Variants in HIVEP2 observed in about 807,000 individuals in gnomAD.
HIVEP2 encodes the protein transcription factor HIVEP2.
In HIVEP2, 14 loss-of-function variants were observed where a neutral mutation model predicts 180.7. That is an observed-to-expected ratio of 0.08 (90% confidence interval 0.05 to 0.12). The LOEUF (loss-of-function observed/expected upper bound fraction) is 0.12, where lower values mean the gene tolerates loss of function less well. Among genes scored for constraint, HIVEP2 ranks in the 10% least tolerant of loss-of-function variants. The probability of loss-of-function intolerance (pLI) is 1.00; values close to 1 mark genes in which losing one functional copy is unlikely to be tolerated. For synonymous variants in HIVEP2, 1,184 were observed against 1,136.4 expected, an observed-to-expected ratio of 1.04 and a Z score of -0.84; for missense variants, 2,579 against 3,008.5, an observed-to-expected ratio of 0.86 and a Z score of 3.34.
intron 1 of HIVEP2, among the ~76,000 whole-genome samples, chr6:142,895,902 C>T (rs1446873549): frequency 6.6e-6 from 1 of 152,104 alleles, no homozygotes; most frequent in Non-Finnish European, 1.5e-5. Context: ...TCATATAAAA[C>T]CTGACCATTT....
chr6:142,906,292 G>A (rs999941924), intron 1 of HIVEP2, among the ~76,000 whole-genome samples: 3 of 151,860 alleles, frequency 2.0e-5, no homozygotes, highest in African/African-American at 7.3e-5. Flanking sequence ...AACAAAACGA[G>A]AATTAAATCA....
At chr6:142,864,838 C>G (rs780426662) in intron 1 of HIVEP2, among the ~76,000 whole-genome samples, 1 of 152,136 alleles carries the variant, frequency 6.6e-6, no homozygotes, top group East Asian at 1.9e-4. Flanking sequence ...AAGGTCCTAA[C>G]CCTGTAAGAA....
At chr6:142,790,636 A>G (rs1357925198) in intron 2 of HIVEP2, among the ~76,000 whole-genome samples, 1 of 152,176 alleles carries the variant, frequency 6.6e-6, no homozygotes, top group Non-Finnish European at 1.5e-5. Flanking sequence ...TGATTCTCCA[A>G]TTTTCTTTTT....
At chr6:142,844,804 A>G (rs1775466615) in intron 1 of HIVEP2, among the ~76,000 whole-genome samples, 1 of 152,222 alleles carries the variant, frequency 6.6e-6, no homozygotes, top group Non-Finnish European at 1.5e-5. Flanking sequence ...CACTAGTGAC[A>G]AGAAAAAAAA....
At chr6:142,936,720 T>C (rs929735853) in intron 1 of HIVEP2, among the ~76,000 whole-genome samples, 11 of 152,118 alleles carry the variant, frequency 7.2e-5, no homozygotes, top group African/African-American at 2.7e-4. Flanking sequence ...GAGACCACTA[T>C]AAAAGCAGAG....
At chr6:142,817,287 A>G (rs1001533917) in intron 2 of HIVEP2, among the ~76,000 whole-genome samples, 3 of 152,210 alleles carry the variant, frequency 2.0e-5, no homozygotes, top group African/African-American at 7.2e-5. Context: ...CTATGGTTGT[A>G]GCCAATGCTA....
chr6:142,809,922 G>A (rs1776648278), intron 2 of HIVEP2, among the ~76,000 whole-genome samples: 1 of 151,952 alleles, frequency 6.6e-6, no homozygotes, highest in African/African-American at 2.4e-5. Flanking sequence ...ACATCTACCA[G>A]GTACAATCAT....
Position 142,773,050 on chromosome 6 carries a change from A to G in HIVEP2, c.1689T>C (p.Ser563=). The change falls in exon 5 of 10, where the codon AGT becomes AGC. Residue 563 remains serine, a synonymous_variant. Transcript: ENST00000367603. The stretch of plus-strand genomic sequence containing the variant: ...CAGTCATCCTTTCATCAAATGAGTG[A>G]CTTCCTCTCAAAGAAGGAGGAATAG... ...NLTIPPSLRG[S]HSFDERMTGS... 6.2e-7 allele frequency: 1 copy of G among 1,614,250 alleles called. No individual in the cohort carries two copies. The highest frequency in any genetic ancestry group is 8.5e-7 in the Non-Finnish European group (1 of 1,180,038).
At chr6:142,781,424 T>C (rs1443105576) in intron 3 of HIVEP2, among the ~76,000 whole-genome samples, 1 of 152,152 alleles carries the variant, frequency 6.6e-6, no homozygotes, top group Non-Finnish European at 1.5e-5. Context: ...AAATTTTCTC[T>C]AGTGGGTTTT....
intron 1 of HIVEP2, among the ~76,000 whole-genome samples, chr6:142,903,197 T>G (rs911443128): frequency 2.0e-5 from 3 of 152,224 alleles, no homozygotes; most frequent in Non-Finnish European, 4.4e-5. Context: ...TTGGAGACAC[T>G]TAAACAATTA....
chr6:142,854,238 T>A (rs1048624470), intron 1 of HIVEP2, among the ~76,000 whole-genome samples: 3 of 151,212 alleles, frequency 2.0e-5, no homozygotes, highest in African/African-American at 7.3e-5. Context: ...AGACTGGGAG[T>A]GGGAAGGGGT....
At chr6:142,756,731 C>T (rs903861343) in intron 9 of HIVEP2, among the ~76,000 whole-genome samples, 3 of 151,764 alleles carry the variant, frequency 2.0e-5, no homozygotes, top group African/African-American at 7.3e-5. Context: ...TCATCCTCAA[C>T]CTCGAACCAT....
intron 1 of HIVEP2, among the ~76,000 whole-genome samples, chr6:142,931,837 G>A (rs553874605): frequency 1.3e-5 from 2 of 152,220 alleles, no homozygotes; most frequent in African/African-American, 4.8e-5. Context: ...ATTATCTATC[G>A]TTTTAAGTCC....
In HIVEP2 at chr6:142,862,908, T is replaced by TATTAC. The variant is rs1299333495; in HGVS notation, c.-640-25862_-640-25861insGTAAT. 8.7e-4 allele frequency among the ~76,000 whole-genome samples: 4 copies of TATTAC among 4,608 alleles called. No individual in the cohort carries two copies. In the African/African-American group the frequency reaches 0.028, roughly 32 times the overall value. The allele number at this position is 4,608 out of a possible 152,430, so 3.0% of individuals were successfully genotyped here. A position where few individuals can be genotyped will look rare whatever the true frequency, so the allele number is the denominator to read the frequency against. The stretch of plus-strand genomic sequence containing the variant: ...TATATTGCATATAATAGATTATATG[T>TATTAC]ATTATATAAAATGTAATATATTGTA... On this transcript the variant is annotated intron_variant, in intron 1 of 9. Transcript: ENST00000367603.
At position 142,760,056 on chromosome 6, in the gene HIVEP2, G is replaced by A. The variant is rs758997470; in HGVS notation, c.6232C>T (p.Pro2078Ser). Residue 2078 changes from proline to serine, a missense_variant, in exon 9 of 10, where the codon CCT becomes TCT. Physicochemically the swap from Pro to Ser is moderately conservative, Grantham distance 74 (BLOSUM62 -1). Around this residue, in one of 11 missense-constraint regions of HIVEP2, gnomAD observed 660 missense variants for 731.7 expected, o/e 0.90. Coordinates refer to ENST00000367603, the MANE Select transcript of HIVEP2 (RefSeq NM_006734.4). ...CTCATGGGTGACAGATCTCTCCTAGGTGATAAATGTCTCCTGGGAGATAAA... is the reference window on the plus strand; with the variant it reads ...CTCATGGGTGACAGATCTCTCCTAGATGATAAATGTCTCCTGGGAGATAAA... ...GDLSPRRHLSPRRDLSPMRHL... is the reference protein window; with the variant it reads ...GDLSPRRHLSSRRDLSPMRHL... The A allele has an allele frequency of 6.2e-7, 1 of 1,614,084 alleles. No homozygotes were observed. Among genetic ancestry groups the A allele is most frequent in the South Asian group, 1.1e-5 (1 of 91,086 alleles).
rs201565528 is a variant in HIVEP2, at chr6:142,761,492, C to G, written c.5592G>C (p.Ser1864=). ...KCLELGVSMT[S]VDDTETEEAE... ...CTTCCTCAGTTTCTGTATCATCCACCGATGTCATTGAGACTCCCAATTCCA... is the reference window on the plus strand; with the variant it reads ...CTTCCTCAGTTTCTGTATCATCCACGGATGTCATTGAGACTCCCAATTCCA... Residue 1864 remains serine, a synonymous_variant, in exon 8 of 10, where the codon TCG becomes TCC. Transcript: ENST00000367603. 2 of 1,602,766 alleles carry G rather than the reference C, an allele frequency of 1.2e-6. No homozygotes were observed. Among genetic ancestry groups the G allele is most frequent in the South Asian group, 2.2e-5 (2 of 90,858 alleles).
At chr6:142,924,742 G>T (rs958860025) in intron 1 of HIVEP2, among the ~76,000 whole-genome samples, 2 of 152,110 alleles carry the variant, frequency 1.3e-5, no homozygotes, top group African/African-American at 4.8e-5. Flanking sequence ...CAAGGTACTG[G>T]GTTTGGATTA....
chr6:142,757,411 A>G (rs899860330), intron 9 of HIVEP2, among the ~76,000 whole-genome samples: 1 of 152,238 alleles, frequency 6.6e-6, no homozygotes, highest in Non-Finnish European at 1.5e-5. Flanking sequence ...CTGTAATCCC[A>G]GCACTTTGGG....
intron 1 of HIVEP2, among the ~76,000 whole-genome samples, chr6:142,837,682 T>C (rs964317698): frequency 6.6e-6 from 1 of 152,116 alleles, no homozygotes; most frequent in South Asian, 2.1e-4. Flanking sequence ...GTTTATTCCA[T>C]TCACTTTGCC....
Sources: allele counts gnomAD v4.1 joint callset (sites outside exome capture counted in the v4.1 genomes callset), GRCh38; gene constraint gnomAD v4.1.1; regional missense constraint gnomAD v4.1.1; transcripts MANE v1.5; gene names NCBI Gene and HGNC (gene_info 2026-07-23, HGNC 2026-07-21).